MALRD1: variants seen among roughly 807,000 people sequenced by gnomAD.
MALRD1 encodes the protein MAM and LDL receptor class A domain containing 1, also known as MAM and LDL-receptor class A domain-containing protein 1.
In MALRD1, 247 loss-of-function variants were observed where a neutral mutation model predicts 242.1. The ratio of observed to expected loss-of-function variants is 1.02; its 90% CI spans 0.92 to 1.13. MALRD1 has a LOEUF of 1.13. Ranked by LOEUF, MALRD1 falls within the 50% of genes most tolerant of loss-of-function variation. The pLI, the probability that MALRD1 is intolerant of heterozygous loss-of-function variation, is 0.00. For synonymous variants in MALRD1, 995 were observed against 866.6 expected (o/e 1.15, Z -2.60); for missense variants, 2,989 against 2,533.1 (o/e 1.18, Z -3.86).
At chr10:19,147,105 T>C (rs111655857) in intron 11 of MALRD1, among the ~76,000 whole-genome samples, 3,240 of 152,236 alleles carry the variant, frequency 0.021, 47 homozygotes, top group Middle Eastern at 0.044. Context: ...AATCCTCTCA[T>C]CTCAGCCTCC....
intron 38 of MALRD1, among the ~76,000 whole-genome samples, chr10:19,699,659 C>T (rs1168190789): frequency 6.6e-6 from 1 of 152,062 alleles, no homozygotes; most frequent in East Asian, 1.9e-4. Flanking sequence ...ATATAGGAAG[C>T]ATAGCACCAG....
In MALRD1 at chr10:19,155,061, C is replaced by T. The variant is rs1588623029; in HGVS notation, c.1559-14C>T. On this transcript the variant is annotated splice_polypyrimidine_tract_variant and intron_variant, in intron 11 of 39. Coordinates refer to ENST00000454679, the MANE Select transcript of MALRD1 (RefSeq NM_001142308.3). ...AGAACTTGCATCCCTATGACTTTCC[C>T]TTTGTTTTTTCAGGATCGTTTATTT... 1 of 1,229,492 alleles carries T rather than the reference C, an allele frequency of 8.1e-7. No individual in the cohort carries two copies. The highest frequency in any genetic ancestry group is 1.0e-6 in the Non-Finnish European group (1 of 986,048). The allele number at this position is 1,229,492 out of a possible 1,614,324, so 76.2% of individuals were successfully genotyped here. A position where few individuals can be genotyped will look rare whatever the true frequency, so the allele number is the denominator to read the frequency against.
In MALRD1 at chr10:19,595,460, G is replaced by A. The variant is rs1237202398; in HGVS notation, c.5944+3G>A. ...TAATGAAGATGAGCTCATCTGCTGT[G>A]AGTTATTTTCACTAACTCAATGTGT... On this transcript the variant is annotated splice_donor_region_variant and intron_variant, in intron 34 of 39. Transcript: ENST00000454679. 9.7e-6 allele frequency: 15 copies of A among 1,546,234 alleles called. No homozygotes were observed. The highest frequency in any genetic ancestry group is 1.2e-5 in the Non-Finnish European group (14 of 1,143,824).
At chr10:19,711,198 A>T (rs1473506454) in intron 38 of MALRD1, 1 of 152,196 alleles carries the variant, frequency 6.6e-6, no homozygotes, top group African/African-American at 2.4e-5. Context: ...ATCCTTAGGG[A>T]TACTCCTTCC....
chr10:19,128,240 C>T lies in MALRD1; in HGVS notation c.963C>T (p.Gly321=), dbSNP rs1014588940. The change falls in exon 8 of 40, where the codon GGC becomes GGT. Residue 321 remains glycine, a synonymous_variant. Transcript: ENST00000454679. ...GDDEGYYVWV[G]AKHGFTLNHL... is the part of the protein sequence containing the mutation. ...TTTCAGGTTATTATGTATGGGTAGGCGCTAAGCATGGTTTCACTCTTAACC... is the reference window on the plus strand; with the variant it reads ...TTTCAGGTTATTATGTATGGGTAGGTGCTAAGCATGGTTTCACTCTTAACC... 1.3e-5 allele frequency: 16 copies of T among 1,233,250 alleles called. No individual in the cohort carries two copies. The highest frequency in any genetic ancestry group is 2.1e-4 in the Middle Eastern group (1 of 4,854). The allele number at this position is 1,233,250 out of a possible 1,614,324, so 76.4% of individuals were successfully genotyped here.
chr10:19,066,969 T>C, intron 2 of MALRD1, 110 bp downstream of exon 2: 1 of 768,970 alleles, frequency 1.3e-6, no homozygotes, highest in Non-Finnish European at 1.8e-6. Flanking sequence ...CCCCACCACA[T>C]GTTTAATTAG....
chr10:19,181,917 T>C (rs542469613), intron 14 of MALRD1, among the ~76,000 whole-genome samples: 9 of 152,254 alleles, frequency 5.9e-5, no homozygotes, highest in African/African-American at 1.4e-4. Flanking sequence ...ATCGATTTAA[T>C]AGTGTTGTAA....
chr10:19,469,972 G>C (rs556021555), intron 29 of MALRD1, among the ~76,000 whole-genome samples: 1 of 151,970 alleles, frequency 6.6e-6, no homozygotes, highest in African/African-American at 2.4e-5. Flanking sequence ...CTAAACATAA[G>C]GTCTACCTTC....
At chr10:19,369,580 T>C (rs960754759) in intron 26 of MALRD1, among the ~76,000 whole-genome samples, 2 of 149,358 alleles carry the variant, frequency 1.3e-5, no homozygotes. Flanking sequence ...AATATGTGAA[T>C]ATATCCATAT....
intron 38 of MALRD1, among the ~76,000 whole-genome samples, chr10:19,722,928 T>G (rs1834838668): frequency 6.6e-6 from 1 of 152,154 alleles, no homozygotes; most frequent in African/African-American, 2.4e-5. Flanking sequence ...ACTAATCAAC[T>G]TAGTAAGTCT....
chr10:19,384,145 T>C (rs1056949176), intron 26 of MALRD1, among the ~76,000 whole-genome samples: 1 of 150,926 alleles, frequency 6.6e-6, no homozygotes, highest in Admixed American at 6.7e-5. Context: ...CTTTCATATA[T>C]ACATATATTG....
At chr10:19,613,395 C>T (rs561467505) in intron 35 of MALRD1, among the ~76,000 whole-genome samples, 4 of 151,974 alleles carry the variant, frequency 2.6e-5, no homozygotes, top group East Asian at 3.9e-4. Context: ...CTCCATAAAT[C>T]CCCCTCAGTG....
At chr10:19,578,054 C>G (rs1836918604) in intron 33 of MALRD1, among the ~76,000 whole-genome samples, 1 of 152,124 alleles carries the variant, frequency 6.6e-6, no homozygotes, top group Admixed American at 6.5e-5. Context: ...TGCTGGAAAG[C>G]GTCCAGACTT....
intron 36 of MALRD1, among the ~76,000 whole-genome samples, chr10:19,670,829 A>C (rs531532861): frequency 1.0e-3 from 154 of 152,100 alleles, no homozygotes; most frequent in Admixed American, 1.8e-3. Context: ...CCTAGCTTTC[A>C]ATAAATATTT....
At chr10:19,688,420 G>C (rs893172203) in intron 36 of MALRD1, among the ~76,000 whole-genome samples, 9 of 152,006 alleles carry the variant, frequency 5.9e-5, no homozygotes, top group African/African-American at 2.2e-4. Flanking sequence ...ACACCACCTT[G>C]CATGGCTAAT....
At chr10:19,118,298 C>T (rs1379559861) in intron 5 of MALRD1, among the ~76,000 whole-genome samples, 4 of 152,138 alleles carry the variant, frequency 2.6e-5, no homozygotes, top group African/African-American at 9.7e-5. Context: ...ATGACACAGT[C>T]CTCAGGAGAT....
intron 4 of MALRD1, among the ~76,000 whole-genome samples, chr10:19,094,876 C>G (rs181067665): frequency 1.3e-5 from 2 of 152,066 alleles, no homozygotes; most frequent in East Asian, 3.9e-4. Context: ...TATGCATGGT[C>G]GAAATGATAA....
intron 36 of MALRD1, 113 bp downstream of exon 36, chr10:19,616,036 A>G (rs916081924): frequency 7.3e-6 from 5 of 688,750 alleles, no homozygotes; most frequent in Non-Finnish European, 9.6e-6. Flanking sequence ...TAAGGTAAAA[A>G]TAGTGGATAA....
At chr10:19,476,858 A>G (rs1836761437) in intron 29 of MALRD1, among the ~76,000 whole-genome samples, 1 of 152,192 alleles carries the variant, frequency 6.6e-6, no homozygotes, top group African/African-American at 2.4e-5. Context: ...TGTACACTTC[A>G]GAAATACATC....
Sources: allele counts gnomAD v4.1 joint callset (sites outside exome capture counted in the v4.1 genomes callset), GRCh38; gene constraint gnomAD v4.1.1; transcripts MANE v1.5; gene names NCBI Gene and HGNC (gene_info 2026-07-23, HGNC 2026-07-21).